The following PPP1R12A variants were observed in gnomAD, a reference collection of about 807,000 sequenced individuals.
PPP1R12A encodes myosin binding subunit.
Under a neutral mutation model 139.6 loss-of-function variants are expected in PPP1R12A, and 19 were observed. The observed-to-expected ratio is 0.14, with a 90% confidence interval of 0.09 to 0.20. The LOEUF is 0.20. PPP1R12A is among the 10% of genes least tolerant of loss of function. The pLI, the probability that PPP1R12A is intolerant of heterozygous loss-of-function variation, is 1.00. For synonymous variants in PPP1R12A, 427 were observed against 420.6 expected, an observed-to-expected ratio of 1.02 and a Z score of -0.19; for missense variants, 925 against 1,211.5, an observed-to-expected ratio of 0.76 and a Z score of 3.51.
At position 79,828,293 on chromosome 12, in the gene PPP1R12A, G is replaced by A. The variant is rs756080222; in HGVS notation, c.792+27C>T. On this transcript the variant is annotated intron_variant, in intron 5 of 24. Coordinates refer to ENST00000450142, the MANE Select transcript of PPP1R12A (RefSeq NM_002480.3). ...TAAAACTATATTTCTAAAAGTTAAA[G>A]TATTAAAATACGTTTAAAACGCCTA... is the stretch of plus-strand genomic sequence containing the variant. 4 of 1,579,480 alleles carry A rather than the reference G, an allele frequency of 2.5e-6. No homozygotes were observed. In the African/African-American group the frequency reaches 4.1e-5, roughly 16 times the overall value.
At position 79,809,832 on chromosome 12, in the gene PPP1R12A, C is replaced by G. The variant is rs1400224386; in HGVS notation, c.1418G>C (p.Ser473Thr). 6.2e-7 allele frequency: 1 copy of G among 1,613,466 alleles called. No individual in the cohort carries two copies. Among genetic ancestry groups the G allele is most frequent in the Admixed American group, 1.7e-5 (1 of 59,930 alleles). Reference protein sequence around the residue: ...DTAGVTRSASSPRLSSSLDNK... With the variant: ...DTAGVTRSASTPRLSSSLDNK... ...ATCCAAAGAGGAGGAAAGTCTGGGA[C>G]TTGAAGCTGAACGTGTAACACCTGC... The change falls in exon 10 of 25, where the codon AGT becomes ACT. Residue 473 changes from serine to threonine, a missense_variant. Ser to Thr is a moderately conservative substitution (Grantham distance 58). Transcript: ENST00000450142.
intron 14 of PPP1R12A, among the ~76,000 whole-genome samples, chr12:79,804,896 T>C (rs1486754682): frequency 6.6e-6 from 1 of 152,144 alleles, no homozygotes; most frequent in East Asian, 1.9e-4. Context: ...TTTCCTTCGG[T>C]AAAGCAAGGA....
At chr12:79,801,953 CTTTAAT>C (rs1251424038) in intron 14 of PPP1R12A, among the ~76,000 whole-genome samples, 3 of 152,020 alleles carry the variant, frequency 2.0e-5, no homozygotes, top group Non-Finnish European at 2.9e-5. Flanking sequence ...TATACTTTGA[CTTTAAT>C]TTTATTTAGA....
At chr12:79,789,694 T>C (rs774105166) in intron 20 of PPP1R12A, 2 of 450,182 alleles carry the variant, frequency 4.4e-6, no homozygotes, top group South Asian at 3.1e-5. Context: ...TGGTTAACAA[T>C]GATAAGAGAA....
At chr12:79,915,109 C>T (rs1565814581) in intron 1 of PPP1R12A, among the ~76,000 whole-genome samples, 2 of 151,988 alleles carry the variant, frequency 1.3e-5, no homozygotes, top group South Asian at 2.1e-4. Flanking sequence ...GGTAAGTATG[C>T]GGCTTTGAAA....
intron 24 of PPP1R12A, 33 bp downstream of exon 24, chr12:79,778,517 C>T (rs374302784): frequency 1.7e-4 from 230 of 1,387,088 alleles, no homozygotes; most frequent in Non-Finnish European, 2.1e-4. Context: ...ACATAAACAG[C>T]ACTCTCTCTC....
intron 3 of PPP1R12A, among the ~76,000 whole-genome samples, chr12:79,838,425 A>G (rs1274718250): frequency 1.3e-5 from 2 of 152,266 alleles, no homozygotes; most frequent in African/African-American, 4.8e-5. Flanking sequence ...AGAAATTTGC[A>G]TAAGTAACGA....
intron 19 of PPP1R12A, among the ~76,000 whole-genome samples, chr12:79,793,506 G>C (rs966065337): frequency 6.6e-6 from 1 of 152,104 alleles, no homozygotes; most frequent in African/African-American, 2.4e-5. Context: ...ATTTTCCTTT[G>C]GCCAAGGGTA....
At chr12:79,791,109 C>T (rs1051442493) in intron 19 of PPP1R12A, among the ~76,000 whole-genome samples, 13 of 151,996 alleles carry the variant, frequency 8.6e-5, no homozygotes, top group East Asian at 3.9e-4. Context: ...TTTGGTTTAA[C>T]AACAACTAAC....
chr12:79,919,284 C>A (rs184739855), intron 1 of PPP1R12A, among the ~76,000 whole-genome samples: 2 of 151,954 alleles, frequency 1.3e-5, no homozygotes, highest in African/African-American at 2.4e-5. Context: ...CAGCCGGGCG[C>A]GGTGGCTCAC....
At chr12:79,810,839 T>C (rs554343098) in intron 9 of PPP1R12A, among the ~76,000 whole-genome samples, 2 of 152,312 alleles carry the variant, frequency 1.3e-5, no homozygotes, top group African/African-American at 2.4e-5. Context: ...TTGTGTCCAA[T>C]ATAATCAACA....
intron 18 of PPP1R12A, among the ~76,000 whole-genome samples, chr12:79,794,907 T>C (rs1318127733): frequency 6.6e-6 from 1 of 152,078 alleles, no homozygotes; most frequent in Non-Finnish European, 1.5e-5. Context: ...AAAACAGGCA[T>C]AGTTAACTAC....
rs748033724 is a variant in PPP1R12A at position 79,877,125 on chromosome 12, C to T, written c.238-4187G>A. On this transcript the variant is annotated intron_variant, in intron 1 of 24. Transcript: ENST00000450142. ...GAACAAGTAATTTAATCTTTTTGGA[C>T]GTTGGTGTCTTTATATTTCAAGTGG... Among the ~76,000 whole-genome samples the T allele has an allele frequency of 1.7e-4, 26 of 152,002 alleles. 1 individual carries two copies. Among genetic ancestry groups the T allele is most frequent in the Admixed American group, 1.0e-3 (16 of 15,276 alleles).
intron 1 of PPP1R12A, among the ~76,000 whole-genome samples, chr12:79,896,668 T>G (rs1377513369): frequency 6.6e-5 from 10 of 152,136 alleles, no homozygotes. Context: ...CATTTTCTCT[T>G]TAGTTCGTAA....
chr12:79,806,426 A>G, intron 12 of PPP1R12A, 93 bp from the exon 13 acceptor site: 1 of 1,218,638 alleles, frequency 8.2e-7, no homozygotes. Context: ...GGCTAGAAAA[A>G]AAATTTAAAA....
chr12:79,904,432 G>A (rs1318207155), intron 1 of PPP1R12A, among the ~76,000 whole-genome samples: 1 of 152,056 alleles, frequency 6.6e-6, no homozygotes, highest in Admixed American at 6.6e-5. Context: ...ATTTTGAATG[G>A]AGTGGTTACT....
intron 1 of PPP1R12A, among the ~76,000 whole-genome samples, chr12:79,931,322 A>G (rs904954632): frequency 6.6e-6 from 1 of 152,226 alleles, no homozygotes; most frequent in African/African-American, 2.4e-5. Flanking sequence ...AGACATTATT[A>G]AATATAAAAT....
chr12:79,897,424 G>C (rs967415075), intron 1 of PPP1R12A, among the ~76,000 whole-genome samples: 3 of 152,060 alleles, frequency 2.0e-5, no homozygotes, highest in Admixed American at 1.3e-4. Context: ...GGGAAGAGTT[G>C]AAAAACTGTT....
chr12:79,884,003 A>C (rs1295006582), intron 1 of PPP1R12A, among the ~76,000 whole-genome samples: 1 of 152,184 alleles, frequency 6.6e-6, no homozygotes, highest in Non-Finnish European at 1.5e-5. Context: ...GTCGTCAGGG[A>C]ATATTTCCTG....
Sources: allele counts gnomAD v4.1 joint callset (sites outside exome capture counted in the v4.1 genomes callset), GRCh38; gene constraint gnomAD v4.1.1; transcripts MANE v1.5; gene names NCBI Gene and HGNC (gene_info 2026-07-23, HGNC 2026-07-21).